Variants in CHRM3 observed in about 807,000 individuals in gnomAD.
The protein encoded by CHRM3 is muscarinic acetylcholine receptor M3.
CHRM3 carries 11 observed loss-of-function variants against 41.8 expected under a neutral mutation model. The observed-to-expected ratio is 0.26, with a 90% CI of 0.17 to 0.44. The LOEUF is 0.44. Among genes scored for constraint, CHRM3 ranks in the 20% least tolerant of loss-of-function variants. CHRM3 has a pLI of 1.00. For synonymous variants in CHRM3, 297 were observed against 301.4 expected (o/e 0.99, Z 0.15); for missense variants, 571 against 745.4 (o/e 0.77, Z 2.72).
intron 4 of CHRM3, among the ~76,000 whole-genome samples, chr1:239,662,998 CCTT>C (rs1278286048): frequency 2.0e-5 from 3 of 149,578 alleles, no homozygotes; most frequent in South Asian, 2.1e-4. Context: ...TTGTCCTTCT[CCTT>C]CTTCTTTCTC....
chr1:239,890,225 T>TG (rs1481374647), intron 6 of CHRM3, among the ~76,000 whole-genome samples: 2 of 151,922 alleles, frequency 1.3e-5, no homozygotes, highest in Non-Finnish European at 2.9e-5. Flanking sequence ...CGCTTGAACC[T>TG]GGGAGGCCGA....
At chr1:239,600,065 T>C (rs1440442762) in intron 3 of CHRM3, among the ~76,000 whole-genome samples, 1 of 152,132 alleles carries the variant, frequency 6.6e-6, no homozygotes, top group Non-Finnish European at 1.5e-5. Flanking sequence ...GTGCCACCCA[T>C]CACCAAAACC....
intron 1 of CHRM3, among the ~76,000 whole-genome samples, chr1:239,436,806 T>A (rs1210113366): frequency 6.6e-6 from 1 of 152,080 alleles, no homozygotes; most frequent in East Asian, 1.9e-4. Context: ...ATCTTTCTAC[T>A]TGTTCTTTTC....
intron 5 of CHRM3, among the ~76,000 whole-genome samples, chr1:239,813,254 G>T (rs1671259973): frequency 6.6e-6 from 1 of 152,064 alleles, no homozygotes; most frequent in Non-Finnish European, 1.5e-5. Context: ...CTCCAGCCTG[G>T]GCAACAGAGT....
At chr1:239,760,779 G>T (rs979460686) in intron 5 of CHRM3, among the ~76,000 whole-genome samples, 9 of 152,054 alleles carry the variant, frequency 5.9e-5, no homozygotes, top group African/African-American at 2.2e-4. Flanking sequence ...TTTTTTCTCT[G>T]ACCGCTTTGA....
intron 1 of CHRM3, among the ~76,000 whole-genome samples, chr1:239,431,884 T>G (rs1662861817): frequency 6.6e-6 from 1 of 152,144 alleles, no homozygotes; most frequent in Non-Finnish European, 1.5e-5. Context: ...ATCTTCTACT[T>G]AAATCTGCCA....
chr1:239,403,704 A>G (rs1006144080), intron 1 of CHRM3, among the ~76,000 whole-genome samples: 3 of 151,904 alleles, frequency 2.0e-5, no homozygotes, highest in Admixed American at 1.3e-4. Context: ...GGTTTTTGTA[A>G]CCACTTGGAA....
chr1:239,457,672 G>A (rs536530392), intron 1 of CHRM3, among the ~76,000 whole-genome samples: 1 of 152,280 alleles, frequency 6.6e-6, no homozygotes, highest in East Asian at 1.9e-4. Flanking sequence ...GTGGATAAAA[G>A]CAAGCAAGTT....
chr1:239,460,310 T>G (rs988397072), intron 1 of CHRM3, among the ~76,000 whole-genome samples: 1 of 152,104 alleles, frequency 6.6e-6, no homozygotes, highest in Non-Finnish European at 1.5e-5. Context: ...ACTCCTATTT[T>G]TTTTCCCCCA....
In CHRM3 at chr1:239,907,573, A is replaced by C; in HGVS notation, c.122A>C (p.Asn41Thr). ...ACCGTCACTCATTTCGGCAGCTACA[A>C]TGTTTCTCGAGCAGCTGGCAATTTC... Reference protein sequence around the residue: ...PGTVTHFGSYNVSRAAGNFSS... With the variant: ...PGTVTHFGSYTVSRAAGNFSS... Residue 41 changes from asparagine (N) to threonine (T), a missense_variant, in exon 7 of 7, where the codon AAT (asparagine) becomes ACT (threonine). Physicochemically the swap from Asn to Thr is moderately conservative, Grantham distance 65. Coordinates refer to ENST00000676153, the MANE Select transcript of CHRM3 (RefSeq NM_001375978.1). The surrounding 1 kb of genome is among the most constrained non-coding windows in gnomAD (Gnocchi z 5.4). 1 of 1,614,060 alleles carries C rather than the reference A, an allele frequency of 6.2e-7. No homozygotes were observed. Among genetic ancestry groups the C allele is most frequent in the South Asian group, 1.1e-5 (1 of 91,068 alleles).
intron 5 of CHRM3, among the ~76,000 whole-genome samples, chr1:239,796,082 A>G (rs755356778): frequency 2.6e-5 from 4 of 152,158 alleles, no homozygotes; most frequent in Non-Finnish European, 2.9e-5. Context: ...TGTTGCTATT[A>G]TAGTTTATTC....
At chr1:239,856,330 G>A (rs1219303243) in intron 6 of CHRM3, among the ~76,000 whole-genome samples, 1 of 152,108 alleles carries the variant, frequency 6.6e-6, no homozygotes, top group Non-Finnish European at 1.5e-5. Flanking sequence ...TTGGATCACG[G>A]GGGTGGTTTC....
chr1:239,695,380 T>C (rs1414989672), intron 5 of CHRM3, among the ~76,000 whole-genome samples: 2 of 152,194 alleles, frequency 1.3e-5, no homozygotes, highest in Admixed American at 1.3e-4. Context: ...ATATACACAG[T>C]ACTAACAAAT....
At chr1:239,877,537 C>A (rs900428941) in intron 6 of CHRM3, among the ~76,000 whole-genome samples, 2 of 152,156 alleles carry the variant, frequency 1.3e-5, no homozygotes, top group African/African-American at 4.8e-5. Context: ...CTGTTACATG[C>A]CAGATACTGC....
intron 4 of CHRM3, among the ~76,000 whole-genome samples, chr1:239,635,683 T>C (rs1472988075): frequency 6.6e-6 from 1 of 152,232 alleles, no homozygotes; most frequent in Non-Finnish European, 1.5e-5. Context: ...AGGTAAGACA[T>C]GACGAATTCT....
intron 5 of CHRM3, among the ~76,000 whole-genome samples, chr1:239,766,704 T>TATAGATATAG (rs1553262463): frequency 0.025 from 3,848 of 150,914 alleles, 172 homozygotes; most frequent in African/African-American, 0.089. Context: ...TAGATATAGA[T>TATAGATATAG]ATAGATATAG....
At chr1:239,412,030 C>A (rs1304199442) in intron 1 of CHRM3, among the ~76,000 whole-genome samples, 1 of 151,392 alleles carries the variant, frequency 6.6e-6, no homozygotes, top group Non-Finnish European at 1.5e-5. Context: ...TCTTATAAAT[C>A]TCTTTCTTTA....
At chr1:239,708,459 A>G (rs1200884054) in intron 5 of CHRM3, among the ~76,000 whole-genome samples, 1 of 152,058 alleles carries the variant, frequency 6.6e-6, no homozygotes, top group Non-Finnish European at 1.5e-5. Flanking sequence ...TCTCTACTCA[A>G]CACCCTCCAG....
chr1:239,668,382 T>A lies in CHRM3; in HGVS notation c.-249-9804T>A, dbSNP rs138429070. Among the ~76,000 whole-genome samples, 510 of 152,122 alleles carry A rather than the reference T, an allele frequency of 3.4e-3. 1 individual carries two copies. Among genetic ancestry groups the A allele is most frequent in the Non-Finnish European group, 3.6e-3 (244 of 67,998 alleles). ...GGGATTACAGGTGTGAGCCACCGTGTCTGGCCCAAATACACTTTTAAAATG... is the reference window on the plus strand; with the variant it reads ...GGGATTACAGGTGTGAGCCACCGTGACTGGCCCAAATACACTTTTAAAATG... On this transcript the variant is annotated intron_variant, in intron 4 of 6. Transcript: ENST00000676153.
Sources: allele counts gnomAD v4.1 joint callset (sites outside exome capture counted in the v4.1 genomes callset), GRCh38; gene constraint gnomAD v4.1.1; non-coding constraint Gnocchi (gnomAD v3.1); transcripts MANE v1.5; gene names NCBI Gene and HGNC (gene_info 2026-07-23, HGNC 2026-07-21).